Variants in DST observed in about 807,000 individuals in gnomAD.
DST encodes the protein dystonin.
In DST, 253 loss-of-function variants were observed where a neutral mutation model predicts 875.2. That is an observed-to-expected ratio of 0.29 (90% confidence interval 0.26 to 0.32). DST has a LOEUF of 0.32. Ranked by LOEUF, DST falls within the 10% of genes least tolerant of loss-of-function variation. The pLI is 1.00. For synonymous variants in DST, 3,124 were observed against 3,197.1 expected, an observed-to-expected ratio of 0.98 and a Z score of 0.77; for missense variants, 8,287 against 9,111.6, an observed-to-expected ratio of 0.91 and a Z score of 3.68.
chr6:56,488,531 C>G (rs1375745793), intron 86 of DST, among the ~76,000 whole-genome samples: 1 of 152,156 alleles, frequency 6.6e-6, no homozygotes, highest in African/African-American at 2.4e-5. Context: ...GGCCAGGGAA[C>G]AGATGCTCAA....
chr6:56,748,095 T>A (rs1000547812), intron 4 of DST, among the ~76,000 whole-genome samples: 1 of 152,232 alleles, frequency 6.6e-6, no homozygotes, highest in Non-Finnish European at 1.5e-5. Flanking sequence ...TGCTATTTTC[T>A]GTCCCAGCCA....
intron 5 of DST, among the ~76,000 whole-genome samples, chr6:56,733,863 C>A (rs2099512420): frequency 6.6e-6 from 1 of 151,668 alleles, no homozygotes; most frequent in Non-Finnish European, 1.5e-5. Context: ...GGAGTCACAA[C>A]AAGGGTGAAA....
rs201585920 is a variant in DST at position 56,628,011 on chromosome 6, C to G, written c.4626G>C (p.Leu1542Phe). ...TATTTTTACATACCTTCTGTTGATT[C>G]AACTGTGTGGCTAGGGTTTTACTAT... ...PENSKTLATQ[L>F]NQQKMLVSEI... is the part of the protein sequence containing the mutation. Residue 1542 changes from leucine to phenylalanine, a missense_variant, in exon 33 of 104, where the codon TTG (leucine) becomes TTC (phenylalanine). Around this residue, in one of 10 missense-constraint regions of DST, gnomAD observed 3,138 missense variants for 3,116.6 expected, o/e 1.01. Transcript: ENST00000680361. 24 of 1,613,674 alleles carry G rather than the reference C, an allele frequency of 1.5e-5. No individual in the cohort carries two copies. The highest frequency in any genetic ancestry group is 4.2e-6 in the Non-Finnish European group (5 of 1,179,758).
chr6:56,543,376 C>T (rs2097172110), intron 61 of DST, among the ~76,000 whole-genome samples: 1 of 152,156 alleles, frequency 6.6e-6, no homozygotes, highest in Non-Finnish European at 1.5e-5. Context: ...CAGTGAGGGG[C>T]TCTCAGCACT....
intron 5 of DST, among the ~76,000 whole-genome samples, chr6:56,719,922 G>C (rs1036091183): frequency 6.6e-6 from 1 of 152,170 alleles, no homozygotes; most frequent in African/African-American, 2.4e-5. Context: ...AATGGAGGCA[G>C]GGCGAGATCA....
chr6:56,486,851 T>C (rs752539870), intron 87 of DST, among the ~76,000 whole-genome samples: 8 of 152,060 alleles, frequency 5.3e-5, no homozygotes, highest in South Asian at 4.1e-4. Context: ...TCAGAAGCAG[T>C]GGGTGTAGTC....
chr6:56,778,045 T>A (rs1312784885), intron 4 of DST, among the ~76,000 whole-genome samples: 1 of 152,104 alleles, frequency 6.6e-6, no homozygotes, highest in Non-Finnish European at 1.5e-5. Flanking sequence ...CTAAGAAAAC[T>A]TAAATGTAAA....
Position 56,634,171 on chromosome 6 carries a change from G to T in DST, c.3582C>A (p.Ile1194=). The part of the protein sequence containing the change: ...MKSVVSWHYL[I]NEIDRIRASN... ...TAGCTCGAATTCTATCAATTTCATTGATGAGATAATGCCAGGATACTACAC... is the reference window on the plus strand; with the variant it reads ...TAGCTCGAATTCTATCAATTTCATTTATGAGATAATGCCAGGATACTACAC... Residue 1194 remains isoleucine, a synonymous_variant, in exon 27 of 104, where the codon ATC becomes ATA. Coordinates refer to ENST00000680361, the MANE Select transcript of DST (RefSeq NM_001374736.1). 1.9e-6 allele frequency: 3 copies of T among 1,613,424 alleles called. No individual in the cohort carries two copies. The highest frequency in any genetic ancestry group is 2.5e-6 in the Non-Finnish European group (3 of 1,179,970).
chr6:56,588,522 C>T (rs1383040512), intron 49 of DST, among the ~76,000 whole-genome samples: 1 of 152,142 alleles, frequency 6.6e-6, no homozygotes, highest in African/African-American at 2.4e-5. Flanking sequence ...CTATAGCCTT[C>T]TTGAGAACTA....
intron 50 of DST, among the ~76,000 whole-genome samples, chr6:56,575,179 C>G (rs2097846206): frequency 6.6e-6 from 1 of 151,952 alleles, no homozygotes; most frequent in Admixed American, 6.6e-5. Flanking sequence ...AAAATAAGCT[C>G]TCAACAATAG....
intron 3 of DST, among the ~76,000 whole-genome samples, chr6:56,890,326 T>C (rs1002064983): frequency 3.9e-5 from 6 of 152,218 alleles, no homozygotes; most frequent in Non-Finnish European, 7.3e-5. Flanking sequence ...CTTATGATGA[T>C]GATGATGATG....
At chr6:56,518,957 T>C (rs1023215448) in intron 69 of DST, among the ~76,000 whole-genome samples, 1 of 152,162 alleles carries the variant, frequency 6.6e-6, no homozygotes, top group Non-Finnish European at 1.5e-5. Context: ...TGCCAACTCA[T>C]GGGAAGATGG....
At chr6:56,691,118 T>C (rs946401954) in intron 9 of DST, among the ~76,000 whole-genome samples, 7 of 152,180 alleles carry the variant, frequency 4.6e-5, no homozygotes, top group Admixed American at 3.3e-4. Flanking sequence ...AGGAAACAGA[T>C]TATAAAAATT....
rs1292636559 is a variant in DST, at chr6:56,825,269, A to T, written c.625+26128T>A. Among the ~76,000 whole-genome samples the T allele has an allele frequency of 5.4e-5, 8 of 148,586 alleles. No individual in the cohort carries two copies. In the South Asian group the frequency reaches 8.7e-4, roughly 16 times the overall value. ...TTAAATGGATTAAGGGCGGTGCAAG[A>T]TGTGCTTTGTTAAACAGATGCTTGA... On this transcript the variant is annotated intron_variant, in intron 4 of 103. Coordinates refer to ENST00000680361, the MANE Select transcript of DST (RefSeq NM_001374736.1).
chr6:56,598,929 A>G (rs935334366), intron 45 of DST, among the ~76,000 whole-genome samples: 37 of 152,258 alleles, frequency 2.4e-4, no homozygotes, highest in Non-Finnish European at 1.6e-4. Flanking sequence ...ATGTTTAACG[A>G]AAGAATGCAG....
chr6:56,594,340 T>C (rs1431751597), intron 47 of DST, 147 bp from the exon 48 acceptor site: 2 of 560,134 alleles, frequency 3.6e-6, no homozygotes, highest in Non-Finnish European at 6.0e-6. Flanking sequence ...TATACCGTAC[T>C]CCCTTTTATT....
chr6:56,582,578 A>T (rs1394998427), intron 49 of DST, among the ~76,000 whole-genome samples: 1 of 150,286 alleles, frequency 6.7e-6, no homozygotes, highest in African/African-American at 2.4e-5. Context: ...TTTATAAATT[A>T]CCCAGTCTCA....
chr6:56,893,118 A>G (rs1407912615), intron 3 of DST, among the ~76,000 whole-genome samples: 1 of 152,200 alleles, frequency 6.6e-6, no homozygotes, highest in African/African-American at 2.4e-5. Flanking sequence ...AGCAGTATAC[A>G]TTGTACCATA....
In DST at chr6:56,555,661, G is replaced by A; in HGVS notation, c.14820C>T (p.Asp4940=). Residue 4940 remains aspartate (D), a synonymous_variant, in exon 60 of 104, where the codon GAC becomes GAT. Coordinates refer to ENST00000680361, the MANE Select transcript of DST (RefSeq NM_001374736.1). ...TTTTAACAATGGCTTGGTCAATCCAGTCACATCTGTCACTCAATTGCCCTG... is the reference window on the plus strand; with the variant it reads ...TTTTAACAATGGCTTGGTCAATCCAATCACATCTGTCACTCAATTGCCCTG... ...SLTGQLSDRC[D]WIDQAIVKST... 6.2e-7 allele frequency: 1 copy of A among 1,613,964 alleles called. No homozygotes were observed. The highest frequency in any genetic ancestry group is 8.5e-7 in the Non-Finnish European group (1 of 1,179,886).
Sources: allele counts gnomAD v4.1 joint callset (sites outside exome capture counted in the v4.1 genomes callset), GRCh38; gene constraint gnomAD v4.1.1; regional missense constraint gnomAD v4.1.1; transcripts MANE v1.5; gene names NCBI Gene and HGNC (gene_info 2026-07-23, HGNC 2026-07-21).